RBP3: variants seen among roughly 807,000 people sequenced by gnomAD.
The protein encoded by RBP3 is retinol binding protein 3, also known as retinol-binding protein 3.
A neutral mutation model predicts 64.8 loss-of-function variants in RBP3; 50 were observed. That is an observed-to-expected ratio of 0.77 (90% CI 0.61 to 0.98). The LOEUF (loss-of-function observed/expected upper bound fraction) is 0.98. Among genes scored for constraint, RBP3 ranks in the 50% least tolerant of loss-of-function variants. The probability of loss-of-function intolerance (pLI) is 0.00; values close to 1 mark genes in which losing one functional copy is unlikely to be tolerated. For synonymous variants in RBP3, 828 were observed against 730.2 expected, an observed-to-expected ratio of 1.13 and a Z score of -2.16; for missense variants, 1,712 against 1,660.5, an observed-to-expected ratio of 1.03 and a Z score of -0.54.
Position 47,350,532 on chromosome 10 carries a change from C to T in RBP3, c.2048C>T (p.Ala683Val). 1 of 1,612,932 alleles carries T rather than the reference C, an allele frequency of 6.2e-7. No individual in the cohort carries two copies. The highest frequency in any genetic ancestry group is 2.2e-5 in the East Asian group (1 of 44,882). Residue 683 changes from alanine to valine, a missense_variant, in exon 1 of 4, where the codon GCC (alanine) becomes GTC (valine). By Grantham distance (64) the Ala-to-Val change is moderately conservative. Transcript: ENST00000584701. ...YRTAVDLESLASQLTADLQEV... is the reference protein window; with the variant it reads ...YRTAVDLESLVSQLTADLQEV... ...ACAGCTGTGGACTTGGAGTCTCTGG[C>T]CTCTCAGCTCACAGCAGACCTCCAG...
At position 47,350,173 on chromosome 10, in the gene RBP3, A is replaced by C. The variant is rs1836940420; in HGVS notation, c.1689A>C (p.Thr563=). ...AFLMQSLGWA[T]LVGEITAGNL... is the part of the protein sequence containing the mutation. ...TTATGCAGTCGCTGGGCTGGGCCACACTGGTAGGTGAGATCACCGCGGGCA... is the reference window on the plus strand; with the variant it reads ...TTATGCAGTCGCTGGGCTGGGCCACCCTGGTAGGTGAGATCACCGCGGGCA... The change falls in exon 1 of 4, where the codon ACA becomes ACC. Residue 563 remains threonine, a synonymous_variant. Coordinates refer to ENST00000584701, the MANE Select transcript of RBP3 (RefSeq NM_002900.3). 1 of 1,612,210 alleles carries C rather than the reference A, an allele frequency of 6.2e-7. No homozygotes were observed. The highest frequency in any genetic ancestry group is 8.5e-7 in the Non-Finnish European group (1 of 1,179,978).
chr10:47,353,518 C>T lies in RBP3; in HGVS notation c.3245+3C>T, dbSNP rs1459201273. On this transcript the variant is annotated splice_donor_region_variant and intron_variant, in intron 2 of 3. Transcript: ENST00000584701. ...GATGCCATGATCATCGACATGAGGT[C>T]AGTGGCCAGGGGTCAGTGCTTCCTA... 6.2e-7 allele frequency: 1 copy of T among 1,613,802 alleles called. No individual in the cohort carries two copies. The highest frequency in any genetic ancestry group is 8.5e-7 in the Non-Finnish European group (1 of 1,179,986).
At position 47,351,177 on chromosome 10, in the gene RBP3, C is replaced by G. The variant is rs1555211529; in HGVS notation, c.2693C>G (p.Ala898Gly). 1 of 1,613,142 alleles carries G rather than the reference C, an allele frequency of 6.2e-7. No homozygotes were observed. Among genetic ancestry groups the G allele is most frequent in the Non-Finnish European group, 8.5e-7 (1 of 1,180,026 alleles). The change falls in exon 1 of 4, where the codon GCC (alanine) becomes GGC (glycine). Residue 898 changes from alanine to glycine, a missense_variant. Coordinates refer to ENST00000584701, the MANE Select transcript of RBP3 (RefSeq NM_002900.3). Reference sequence around the variant, plus strand: ...TATGCATCCATGCCCACCCAGATGGCCATGAGTGCCACCACAGGCAAGGCC... The same window carrying G: ...TATGCATCCATGCCCACCCAGATGGGCATGAGTGCCACCACAGGCAAGGCC... Reference protein sequence around the residue: ...PLYASMPTQMAMSATTGKAWD... With the variant: ...PLYASMPTQMGMSATTGKAWD...
rs782097381 is a variant in RBP3, at chr10:47,351,094, G to A, written c.2610G>A (p.Glu870=). Residue 870 remains glutamate (E), a synonymous_variant, in exon 1 of 4, where the codon GAG becomes GAA. Transcript: ENST00000584701. The part of the protein sequence containing the change: ...QDLQRATVIG[E]PTAGGALSVG... ...TGCAGCGGGCCACGGTCATTGGGGA[G>A]CCCACGGCCGGAGGCGCACTCTCTG... The A allele has an allele frequency of 1.9e-6, 3 of 1,612,474 alleles. No homozygotes were observed. In the Admixed American group the frequency reaches 5.0e-5, roughly 27 times the overall value.
At position 47,349,201 on chromosome 10, in the gene RBP3, C is replaced by A. The variant is rs146269396; in HGVS notation, c.717C>A (p.Ala239=). The change falls in exon 1 of 4, where the codon GCC becomes GCA. Residue 239 remains alanine, a synonymous_variant. Coordinates refer to ENST00000584701, the MANE Select transcript of RBP3 (RefSeq NM_002900.3). ...VLTSSQTRGV[A]EDIAHILKQM... is the part of the protein sequence containing the mutation. ...CCAGCAGCCAGACCAGGGGCGTGGC[C>A]GAGGACATCGCGCACATCCTTAAGC... 6.2e-7 allele frequency: 1 copy of A among 1,613,452 alleles called. No individual in the cohort carries two copies. Among genetic ancestry groups the A allele is most frequent in the African/African-American group, 1.3e-5 (1 of 74,926 alleles).
intron 2 of RBP3, among the ~76,000 whole-genome samples, chr10:47,354,119 G>A (rs1219968810): frequency 6.6e-6 from 1 of 152,228 alleles, no homozygotes; most frequent in Non-Finnish European, 1.5e-5. Flanking sequence ...TCAGAAGGAT[G>A]TCTTCAGCTA....
chr10:47,353,505 A>G lies in RBP3; in HGVS notation c.3235A>G (p.Ile1079Val), dbSNP rs946637226. The G allele has an allele frequency of 6.2e-7, 1 of 1,614,088 alleles. No individual in the cohort carries two copies. The highest frequency in any genetic ancestry group is 1.7e-5 in the Admixed American group (1 of 60,026). Residue 1079 changes from isoleucine (I) to valine (V), a missense_variant, in exon 2 of 4, where the codon ATC (isoleucine) becomes GTC (valine). Ile to Val is a conservative substitution (Grantham distance 29). Coordinates refer to ENST00000584701, the MANE Select transcript of RBP3 (RefSeq NM_002900.3). ...KKIMHTDAMI[I>V]DMRFNIGGPT... ...GATCATGCACACGGATGCCATGATCATCGACATGAGGTCAGTGGCCAGGGG... is the reference window on the plus strand; with the variant it reads ...GATCATGCACACGGATGCCATGATCGTCGACATGAGGTCAGTGGCCAGGGG...
At position 47,350,561 on chromosome 10, in the gene RBP3, G is replaced by A. The variant is rs112888313; in HGVS notation, c.2077G>A (p.Val693Met). The A allele has an allele frequency of 1.7e-3, 2,728 of 1,612,946 alleles. 40 individuals are homozygous for A. In the African/African-American group the frequency reaches 0.029, roughly 17 times the overall value. ...ASQLTADLQEVSGDHRLLVFH... is the reference protein window; with the variant it reads ...ASQLTADLQEMSGDHRLLVFH... ...TCAGCTCACAGCAGACCTCCAGGAGGTGTCTGGGGACCACCGCTTGCTAGT... is the reference window on the plus strand; with the variant it reads ...TCAGCTCACAGCAGACCTCCAGGAGATGTCTGGGGACCACCGCTTGCTAGT... The change falls in exon 1 of 4, where the codon GTG (valine) becomes ATG (methionine). Residue 693 changes from valine (V) to methionine (M), a missense_variant. Coordinates refer to ENST00000584701, the MANE Select transcript of RBP3 (RefSeq NM_002900.3).
In RBP3 at chr10:47,349,778, G is replaced by A. The variant is rs1555211188; in HGVS notation, c.1294G>A (p.Val432Met). Residue 432 changes from valine to methionine, a missense_variant, in exon 1 of 4, where the codon GTG becomes ATG. Physicochemically the swap from Val to Met is conservative, Grantham distance 21. Coordinates refer to ENST00000584701, the MANE Select transcript of RBP3 (RefSeq NM_002900.3). Reference protein sequence around the residue: ...RQALVDSVFQVSVLPGNVGYL... With the variant: ...RQALVDSVFQMSVLPGNVGYL... Reference sequence around the variant, plus strand: ...AGCACTGGTGGACTCTGTGTTCCAGGTGTCGGTGCTGCCAGGCAATGTGGG... The same window carrying A: ...AGCACTGGTGGACTCTGTGTTCCAGATGTCGGTGCTGCCAGGCAATGTGGG... 5 of 1,613,230 alleles carry A rather than the reference G, an allele frequency of 3.1e-6. No individual in the cohort carries two copies. The highest frequency in any genetic ancestry group is 4.2e-6 in the Non-Finnish European group (5 of 1,180,028).
chr10:47,351,625 G>T, intron 1 of RBP3, 87 bp downstream of exon 1: 1 of 1,487,764 alleles, frequency 6.7e-7, no homozygotes, highest in South Asian at 1.1e-5. Context: ...TGCACAGTGC[G>T]TGACAATGGC....
At position 47,349,210 on chromosome 10, in the gene RBP3, C is replaced by G. The variant is rs782595430; in HGVS notation, c.726C>G (p.Ile242Met). 1.2e-6 allele frequency: 2 copies of G among 1,613,424 alleles called. No homozygotes were observed. The highest frequency in any genetic ancestry group is 8.5e-7 in the Non-Finnish European group (1 of 1,180,026). ...AGACCAGGGGCGTGGCCGAGGACAT[C>G]GCGCACATCCTTAAGCAGATGCGCA... is the stretch of plus-strand genomic sequence containing the variant. ...SSQTRGVAED[I>M]AHILKQMRRA... Residue 242 changes from isoleucine to methionine, a missense_variant, in exon 1 of 4, where the codon ATC becomes ATG. Coordinates refer to ENST00000584701, the MANE Select transcript of RBP3 (RefSeq NM_002900.3).
Position 47,349,843 on chromosome 10 carries a change from G to A in RBP3, c.1359G>A (p.Leu453=), listed in dbSNP as rs781942905. 7 of 1,613,204 alleles carry A rather than the reference G, an allele frequency of 4.3e-6. No homozygotes were observed. Among genetic ancestry groups the A allele is most frequent in the Non-Finnish European group, 5.9e-6 (7 of 1,180,026 alleles). ...ATAGTTTTGCTGACGCCTCCGTCCT[G>A]GGTGTGTTGGCCCCATATGTCCTGC... The part of the protein sequence containing the change: ...RFDSFADASV[L]GVLAPYVLRQ... The change falls in exon 1 of 4, where the codon CTG becomes CTA. Residue 453 remains leucine (L), a synonymous_variant. Transcript: ENST00000584701.
At position 47,349,827 on chromosome 10, in the gene RBP3, C is replaced by A; in HGVS notation, c.1343C>A (p.Ala448Asp). Reference sequence around the variant, plus strand: ...GGCTACCTGCGCTTCGATAGTTTTGCTGACGCCTCCGTCCTGGGTGTGTTG... The same window carrying A: ...GGCTACCTGCGCTTCGATAGTTTTGATGACGCCTCCGTCCTGGGTGTGTTG... ...NVGYLRFDSFADASVLGVLAP... is the reference protein window; with the variant it reads ...NVGYLRFDSFDDASVLGVLAP... Residue 448 changes from alanine to aspartate, a missense_variant, in exon 1 of 4, where the codon GCT becomes GAT. By Grantham distance (126) the Ala-to-Asp change is moderately radical. Coordinates refer to ENST00000584701, the MANE Select transcript of RBP3 (RefSeq NM_002900.3). 6.2e-7 allele frequency: 1 copy of A among 1,613,282 alleles called. No individual in the cohort carries two copies. Among genetic ancestry groups the A allele is most frequent in the Non-Finnish European group, 8.5e-7 (1 of 1,180,034 alleles).
Position 47,357,382 on chromosome 10 carries a change from C to T in RBP3, c.3669C>T (p.Leu1223=), listed in dbSNP as rs782133060. The stretch of plus-strand genomic sequence containing the variant: ...TGGTTGTCCCTGCAGAAGAGGCTCT[C>T]GCCAGGGCCAAGGAGATGCTCCAGC... ...PHVVVPAEEA[L]ARAKEMLQHN... Residue 1223 remains leucine, a synonymous_variant, in exon 4 of 4, where the codon CTC becomes CTT. Transcript: ENST00000584701. 19 of 1,613,966 alleles carry T rather than the reference C, an allele frequency of 1.2e-5. No individual in the cohort carries two copies. The highest frequency in any genetic ancestry group is 3.3e-5 in the South Asian group (3 of 91,080).
Position 47,349,029 on chromosome 10 carries a change from A to T in RBP3, c.545A>T (p.Tyr182Phe). 10 of 1,613,950 alleles carry T rather than the reference A, an allele frequency of 6.2e-6. No homozygotes were observed. The highest frequency in any genetic ancestry group is 8.5e-6 in the Non-Finnish European group (10 of 1,180,008). The change falls in exon 1 of 4, where the codon TAC becomes TTC. Residue 182 changes from tyrosine (Y) to phenylalanine (F), a missense_variant. Transcript: ENST00000584701. ...GGAGGCCAGGTCTCTGGCATTCCCT[A>T]CATCATCTCCTACCTGCACCCAGGG... ...CTGGQVSGIP[Y>F]IISYLHPGNT...
At position 47,349,149 on chromosome 10, in the gene RBP3, G is replaced by A. The variant is rs782248903; in HGVS notation, c.665G>A (p.Gly222Asp). The A allele has an allele frequency of 1.2e-6, 2 of 1,613,838 alleles. No homozygotes were observed. The highest frequency in any genetic ancestry group is 2.7e-5 in the African/African-American group (2 of 74,928). Residue 222 changes from glycine to aspartate, a missense_variant, in exon 1 of 4, where the codon GGT (glycine) becomes GAT (aspartate). By Grantham distance (94) the Gly-to-Asp change is moderately conservative. Transcript: ENST00000584701. ...TLPQVLGERY[G>D]ADKDVVVLTS... is the part of the protein sequence containing the mutation. ...CCCCAGGTCCTGGGAGAAAGGTACG[G>A]TGCCGACAAGGATGTGGTGGTCCTC...
Position 47,350,225 on chromosome 10 carries a change from C to T in RBP3, c.1741C>T (p.Leu581=). 6.2e-7 allele frequency: 1 copy of T among 1,608,668 alleles called. No homozygotes were observed. Residue 581 remains leucine, a synonymous_variant, in exon 1 of 4, where the codon CTG becomes TTG. Coordinates refer to ENST00000584701, the MANE Select transcript of RBP3 (RefSeq NM_002900.3). ...CCTGCTGCACACCCGCACGGTGCCG[C>T]TGCTGGACACACCCGAAGGCAGCCT... ...GNLLHTRTVP[L]LDTPEGSLAL...
At chr10:47,353,298 A>C (rs1014446796) in intron 1 of RBP3, 27 bp from the exon 2 acceptor site, 2 of 1,610,868 alleles carry the variant, frequency 1.2e-6, no homozygotes, top group Non-Finnish European at 1.7e-6. Flanking sequence ...TCCTCCTGAC[A>C]CTGAGTAGGA....
At chr10:47,352,664 G>A (rs1328910040) in intron 1 of RBP3, among the ~76,000 whole-genome samples, 2 of 152,246 alleles carry the variant, frequency 1.3e-5, no homozygotes, top group Non-Finnish European at 2.9e-5. Context: ...AGCAGCCTTA[G>A]AGAGGGAGGA....
Sources: gnomAD v4.1 joint callset for allele counts (sites outside exome capture counted in the v4.1 genomes callset) on GRCh38, gnomAD v4.1.1 for gene constraint, MANE v1.5 for transcripts, NCBI Gene and HGNC (gene_info 2026-07-23, HGNC 2026-07-21) for gene names.